The following INTS10 variants were observed in gnomAD, a reference collection of about 807,000 sequenced individuals.
The protein encoded by INTS10 is integrator complex subunit 10.
INTS10 carries 44 observed loss-of-function variants against 94.4 expected under a neutral mutation model. The ratio of observed to expected loss-of-function variants is 0.47; its 90% CI spans 0.37 to 0.60. The LOEUF (loss-of-function observed/expected upper bound fraction) is 0.60, where lower values mean the gene tolerates loss of function less well. Among genes scored for constraint, INTS10 ranks in the 20% least tolerant of loss-of-function variants. INTS10 has a pLI of 0.00. For missense variants in INTS10, 797 were observed against 868.7 expected (o/e 0.92, Z 1.04); for synonymous variants, 341 against 320.7 (o/e 1.06, Z -0.68).
rs1466438282 is a variant in INTS10 at position 19,851,316 on chromosome 8, C to T, written c.1977-333C>T. 6.6e-6 allele frequency among the ~76,000 whole-genome samples: 1 copy of T among 152,060 alleles called. No homozygotes were observed. Among genetic ancestry groups the T allele is most frequent in the African/African-American group, 2.4e-5 (1 of 41,392 alleles). ...CCAGTGTGGACTGGACCCATTTGGC[C>T]CTAAGTAACTGAATTGTGTACCAGT... On this transcript the variant is annotated intron_variant, in intron 16 of 16. Coordinates refer to ENST00000397977, the MANE Select transcript of INTS10 (RefSeq NM_018142.4). The surrounding 1 kb of genome is among the most constrained non-coding windows in gnomAD (Gnocchi z 5.0).
chr8:19,822,568 T>TG (rs757012604), intron 5 of INTS10, 48 bp downstream of exon 5: 22 of 1,179,476 alleles, frequency 1.9e-5, no homozygotes, highest in Non-Finnish European at 2.5e-5. Context: ...ATTAATATGC[T>TG]GGGGTAAGTG....
At position 19,832,052 on chromosome 8, in the gene INTS10, G is replaced by A; in HGVS notation, c.1319G>A (p.Trp440Ter). The change falls in exon 11 of 17, where the codon TGG (tryptophan) becomes TAG (stop). Residue 440 changes from tryptophan to a stop codon, truncating the protein, a stop_gained. Coordinates refer to ENST00000397977, the MANE Select transcript of INTS10 (RefSeq NM_018142.4). LOFTEE classifies it high-confidence loss of function. ...GAATTTACAAGGATTTGCTTGGCCTGGAAGACGGATACTTGGCTTTGGTTA... is the reference window on the plus strand; with the variant it reads ...GAATTTACAAGGATTTGCTTGGCCTAGAAGACGGATACTTGGCTTTGGTTA... ...DKEFTRICLA[W>*]KTDTWLWLRI... 1 of 1,606,112 alleles carries A rather than the reference G, an allele frequency of 6.2e-7. No homozygotes were observed. The highest frequency in any genetic ancestry group is 8.5e-7 in the Non-Finnish European group (1 of 1,172,674).
chr8:19,823,520 A>G (rs1416000014), intron 6 of INTS10, 79 bp downstream of exon 6: 35 of 976,712 alleles, frequency 3.6e-5, no homozygotes, highest in Non-Finnish European at 5.6e-5. Context: ...CAATGTTCTG[A>G]TTATTCTCCT....
At chr8:19,830,182 A>G (rs889554947) in intron 9 of INTS10, among the ~76,000 whole-genome samples, 5 of 152,234 alleles carry the variant, frequency 3.3e-5, no homozygotes, top group Admixed American at 2.6e-4. Flanking sequence ...ACATCAGAAA[A>G]AAAATTCACT....
chr8:19,824,896 G>A lies in INTS10; in HGVS notation c.930G>A (p.Val310=). Residue 310 remains valine (V), a synonymous_variant, in exon 8 of 17, where the codon GTG becomes GTA. Transcript: ENST00000397977. ...CACATGCAAAATATAAAAACCAAGT[G>A]GTGTATTCCACCATGCTGGTCTTCT... is the stretch of plus-strand genomic sequence containing the variant. ...SEAHAKYKNQ[V]VYSTMLVFFK... is the part of the protein sequence containing the mutation. The A allele has an allele frequency of 6.2e-7, 1 of 1,613,316 alleles. No individual in the cohort carries two copies. Among genetic ancestry groups the A allele is most frequent in the Non-Finnish European group, 8.5e-7 (1 of 1,179,344 alleles).
chr8:19,818,465 G>C, intron 2 of INTS10, 123 bp downstream of exon 2: 1 of 948,870 alleles, frequency 1.1e-6, no homozygotes, highest in Non-Finnish European at 1.7e-6. Context: ...GATACCTAAA[G>C]CAAACCTAGT....
intron 6 of INTS10, 126 bp downstream of exon 6, chr8:19,823,567 G>A: frequency 2.8e-6 from 2 of 710,088 alleles, no homozygotes; most frequent in Non-Finnish European, 2.3e-6. Flanking sequence ...TTCAAAAGAT[G>A]GTATCTAGAA....
chr8:19,836,569 G>A (rs1417643296), intron 12 of INTS10, among the ~76,000 whole-genome samples: 1 of 152,132 alleles, frequency 6.6e-6, no homozygotes, highest in Non-Finnish European at 1.5e-5. Context: ...TCTCTTTAAG[G>A]CTTAGGTCAA....
At chr8:19,844,918 G>C (rs1391358959) in intron 15 of INTS10, among the ~76,000 whole-genome samples, 1 of 151,790 alleles carries the variant, frequency 6.6e-6, no homozygotes, top group Non-Finnish European at 1.5e-5. Context: ...TTTTTTTAGA[G>C]TTGGGGTCTT....
chr8:19,832,058 C>G lies in INTS10; in HGVS notation c.1325C>G (p.Thr442Arg), dbSNP rs200006596. Residue 442 changes from threonine (T) to arginine (R), a missense_variant, in exon 11 of 17, where the codon ACG becomes AGG. Physicochemically the swap from Thr to Arg is moderately conservative, Grantham distance 71. Coordinates refer to ENST00000397977, the MANE Select transcript of INTS10 (RefSeq NM_018142.4). Reference sequence around the variant, plus strand: ...ACAAGGATTTGCTTGGCCTGGAAGACGGATACTTGGCTTTGGTTAAGAATC... The same window carrying G: ...ACAAGGATTTGCTTGGCCTGGAAGAGGGATACTTGGCTTTGGTTAAGAATC... ...EFTRICLAWKTDTWLWLRIFL... is the reference protein window; with the variant it reads ...EFTRICLAWKRDTWLWLRIFL... 2 of 1,606,586 alleles carry G rather than the reference C, an allele frequency of 1.2e-6. No individual in the cohort carries two copies. Among genetic ancestry groups the G allele is most frequent in the Admixed American group, 3.3e-5 (2 of 59,986 alleles).
At chr8:19,820,614 GA>G in intron 4 of INTS10, 96 bp downstream of exon 4, 1 of 1,095,072 alleles carries the variant, frequency 9.1e-7, no homozygotes, top group Non-Finnish European at 1.3e-6. Context: ...AGAAGTTTCT[GA>G]AGAGTACTGG....
intron 9 of INTS10, among the ~76,000 whole-genome samples, chr8:19,828,124 T>A (rs2066944799): frequency 6.6e-6 from 1 of 151,918 alleles, no homozygotes; most frequent in African/African-American, 2.4e-5. Context: ...GATGAGAAGA[T>A]CCCTTGAGCT....
rs554190211 is a variant in INTS10, at chr8:19,822,907, G to A, written c.523+387G>A. On this transcript the variant is annotated intron_variant, in intron 5 of 16. Coordinates refer to ENST00000397977, the MANE Select transcript of INTS10 (RefSeq NM_018142.4). ...GGAGGTTGCAGTAAGCCGAGATCGC[G>A]CCACTGTACTCCAACCTGGTGACTG... Among the ~76,000 whole-genome samples, 8 of 150,942 alleles carry A rather than the reference G, an allele frequency of 5.3e-5. No individual in the cohort carries two copies. In the South Asian group the frequency reaches 6.3e-4, roughly 12 times the overall value.
chr8:19,817,768 C>T lies in INTS10; in HGVS notation c.129+102C>T, dbSNP rs1008508768. 12 of 1,432,396 alleles carry T rather than the reference C, an allele frequency of 8.4e-6. No homozygotes were observed. In the Admixed American group the frequency reaches 2.0e-4, roughly 24 times the overall value. The allele number at this position is 1,432,396 out of a possible 1,614,324, so 88.7% of individuals were successfully genotyped here. On this transcript the variant is annotated intron_variant, in intron 1 of 16. Coordinates refer to ENST00000397977, the MANE Select transcript of INTS10 (RefSeq NM_018142.4). ...GCTGCGCCTGCCTGGGGGCTGCCGC[C>T]TCCTGCCCGGCCCCCTGCTTTCTCC...
chr8:19,840,210 G>A (rs954114522), intron 13 of INTS10, among the ~76,000 whole-genome samples: 2 of 151,238 alleles, frequency 1.3e-5, no homozygotes, highest in Non-Finnish European at 2.9e-5. Context: ...AAAATACTTA[G>A]AGGTAAATTT....
chr8:19,831,875 T>G (rs535866542), intron 10 of INTS10, among the ~76,000 whole-genome samples, 153 bp from the exon 11 acceptor site: 1 of 152,360 alleles, frequency 6.6e-6, no homozygotes, highest in South Asian at 2.1e-4. Context: ...TCTTCTCTAC[T>G]TGAAATTCTA....
intron 13 of INTS10, among the ~76,000 whole-genome samples, chr8:19,840,020 AC>A (rs2067999483): frequency 7.7e-6 from 1 of 130,428 alleles, no homozygotes; most frequent in Non-Finnish European, 1.6e-5. Context: ...CCAAGATTGC[AC>A]CACTGCACTC....
At position 19,849,908 on chromosome 8, in the gene INTS10, A is replaced by G. The variant is rs542377922; in HGVS notation, c.1977-1741A>G. Among the ~76,000 whole-genome samples, 6 of 152,280 alleles carry G rather than the reference A, an allele frequency of 3.9e-5. No homozygotes were observed. In the South Asian group the frequency reaches 1.2e-3, roughly 32 times the overall value. Reference sequence around the variant, plus strand: ...CTCTTTATATATGGAGATAATACAAATTGGACCCTGATCTGCAGGATGTAG... The same window carrying G: ...CTCTTTATATATGGAGATAATACAAGTTGGACCCTGATCTGCAGGATGTAG... On this transcript the variant is annotated intron_variant, in intron 16 of 16. Transcript: ENST00000397977. The surrounding 1 kb of genome is among the most constrained non-coding windows in gnomAD (Gnocchi z 4.6).
At chr8:19,836,032 A>G (rs1243741447) in intron 12 of INTS10, among the ~76,000 whole-genome samples, 1 of 152,146 alleles carries the variant, frequency 6.6e-6, no homozygotes, top group East Asian at 1.9e-4. Flanking sequence ...CATTAGGACA[A>G]ATACCTAAGG....
Sources: allele counts gnomAD v4.1 joint callset (sites outside exome capture counted in the v4.1 genomes callset), GRCh38; gene constraint gnomAD v4.1.1; non-coding constraint Gnocchi (gnomAD v3.1); transcripts MANE v1.5; gene names NCBI Gene and HGNC (gene_info 2026-07-23, HGNC 2026-07-21).